MCTP2: variants seen among roughly 807,000 people sequenced by gnomAD.
The protein encoded by MCTP2 is multiple C2 and transmembrane domain containing 2.
MCTP2 carries 132 observed loss-of-function variants against 111.6 expected under a neutral mutation model. The observed-to-expected ratio is 1.18, with a 90% CI of 1.03 to 1.37. The LOEUF (loss-of-function observed/expected upper bound fraction) is 1.37. Ranked by LOEUF, MCTP2 falls within the 40% of genes most tolerant of loss-of-function variation. MCTP2 has a pLI of 0.00. For synonymous variants in MCTP2, 395 were observed against 387.7 expected (o/e 1.02, Z -0.22); for missense variants, 1,183 against 1,067.9 (o/e 1.11, Z -1.50).
chr15:94,266,273 CA>C (rs1340387141), intron 1 of MCTP2, among the ~76,000 whole-genome samples: 32 of 152,304 alleles, frequency 2.1e-4, no homozygotes, highest in Non-Finnish European at 8.8e-5. Flanking sequence ...CCTGGTGCTG[CA>C]TTATTCATTA....
chr15:94,300,394 C>A (rs1770140657), intron 2 of MCTP2, among the ~76,000 whole-genome samples: 1 of 151,190 alleles, frequency 6.6e-6, no homozygotes. Flanking sequence ...CCTGTAGTCC[C>A]AGCTACTTGG....
At chr15:94,433,820 T>A (rs2083316231) in intron 17 of MCTP2, among the ~76,000 whole-genome samples, 1 of 152,188 alleles carries the variant, frequency 6.6e-6, no homozygotes, top group African/African-American at 2.4e-5. Context: ...GATTTCACAG[T>A]GGTTTTAATT....
chr15:94,334,381 C>T (rs2077260494), intron 4 of MCTP2, among the ~76,000 whole-genome samples: 1 of 152,154 alleles, frequency 6.6e-6, no homozygotes, highest in South Asian at 2.1e-4. Context: ...AATCCATCTA[C>T]CAGGCATATT....
chr15:94,257,784 A>G (rs926823693), intron 1 of MCTP2, among the ~76,000 whole-genome samples: 2 of 150,822 alleles, frequency 1.3e-5, no homozygotes, highest in Non-Finnish European at 3.0e-5. Context: ...ACGGGGTTTT[A>G]CCATGTTGGC....
At chr15:94,470,196 G>C in intron 20 of MCTP2, 137 bp from the exon 21 acceptor site, 1 of 622,496 alleles carries the variant, frequency 1.6e-6, no homozygotes. Flanking sequence ...CTCTCATCTT[G>C]AGGTTTTTAA....
intron 1 of MCTP2, among the ~76,000 whole-genome samples, chr15:94,266,554 A>G (rs1029526560): frequency 6.6e-6 from 1 of 152,366 alleles, no homozygotes; most frequent in East Asian, 1.9e-4. Context: ...GAAAATAAAT[A>G]CACGCTGAAG....
At chr15:94,267,136 A>G (rs1309430560) in intron 1 of MCTP2, among the ~76,000 whole-genome samples, 1 of 152,192 alleles carries the variant, frequency 6.6e-6, no homozygotes, top group African/African-American at 2.4e-5. Context: ...AGTTTGAGAG[A>G]TACGTGCAGT....
rs755287019 is a variant in MCTP2 at position 94,267,869 on chromosome 15, C to CTT, written c.-65-30319_-65-30318dup. ...GGTCTGGATTACTTTCCTTTTCTTT[C>CTT]TTTTTTTTTTTTTTGAGACAGAGTC... On this transcript the variant is annotated intron_variant, in intron 1 of 22. Transcript: ENST00000357742. 4.4e-4 allele frequency among the ~76,000 whole-genome samples: 34 copies of CTT among 77,456 alleles called. 6 individuals carry two copies. The highest frequency in any genetic ancestry group is 1.7e-3 in the African/African-American group (29 of 17,436). The allele number at this position is 77,456 out of a possible 152,430, so 50.8% of individuals were successfully genotyped here. A position where few individuals can be genotyped will look rare whatever the true frequency, so the allele number is the denominator to read the frequency against.
At chr15:94,346,672 T>TGGCA (rs1464472306) in intron 8 of MCTP2, among the ~76,000 whole-genome samples, 1 of 152,198 alleles carries the variant, frequency 6.6e-6, no homozygotes, top group Admixed American at 6.5e-5. Context: ...GGAAGAGCAC[T>TGGCA]GGCAGTTTGT....
At chr15:94,298,846 T>TC (rs1397894729) in intron 2 of MCTP2, 116 bp downstream of exon 2, 41 of 163,526 alleles carry the variant, frequency 2.5e-4, no homozygotes, top group South Asian at 5.9e-4. Flanking sequence ...CCCTCTCTCT[T>TC]CCCCCCTCCC....
At chr15:94,435,923 G>T (rs943624801) in intron 17 of MCTP2, among the ~76,000 whole-genome samples, 8 of 152,026 alleles carry the variant, frequency 5.3e-5, no homozygotes, top group African/African-American at 1.4e-4. Context: ...GAGCCACCGC[G>T]CCCGGCCTAT....
intron 7 of MCTP2, chr15:94,342,215 A>G (rs2077681895): frequency 6.6e-6 from 1 of 152,186 alleles, no homozygotes; most frequent in South Asian, 2.1e-4. Context: ...TCTATAGCAT[A>G]TTAGATTATG....
In MCTP2 at chr15:94,437,315, G is replaced by A. The variant is rs17442709; in HGVS notation, c.2086-2861G>A. Among the ~76,000 whole-genome samples the A allele has an allele frequency of 6.1e-3, 930 of 151,882 alleles. 6 individuals carry two copies. Among genetic ancestry groups the A allele is most frequent in the African/African-American group, 0.021 (852 of 41,468 alleles). ...TTGCAGTCTCTTACAGCTAATAAGA[G>A]GTGAATGTGAATATATAAAAAAGAA... On this transcript the variant is annotated intron_variant, in intron 17 of 22. Coordinates refer to ENST00000357742, the MANE Select transcript of MCTP2 (RefSeq NM_001385001.1).
At chr15:94,265,594 G>A (rs753711043) in intron 1 of MCTP2, among the ~76,000 whole-genome samples, 11 of 152,090 alleles carry the variant, frequency 7.2e-5, no homozygotes, top group Non-Finnish European at 1.3e-4. Context: ...CACTGTTTGC[G>A]TTGAGATATT....
In MCTP2 at chr15:94,346,906, C is replaced by G. The variant is rs559515476; in HGVS notation, c.1005+1742C>G. ...TGTGTCTTAGAACTGAGCTGTTTGT[C>G]TTTTTTTTGCTTTTTTCCCATCATG... On this transcript the variant is annotated intron_variant, in intron 8 of 22. Coordinates refer to ENST00000357742, the MANE Select transcript of MCTP2 (RefSeq NM_001385001.1). Among the ~76,000 whole-genome samples the G allele has an allele frequency of 2.0e-5, 3 of 151,748 alleles. No individual in the cohort carries two copies. The South Asian group carries it at 6.3e-4, about 32-fold the overall frequency.
In MCTP2 at chr15:94,385,509, C is replaced by T. The variant is rs1166402468; in HGVS notation, c.1772C>T (p.Ala591Val). The T allele has an allele frequency of 6.2e-7, 1 of 1,611,792 alleles. No homozygotes were observed. Among genetic ancestry groups the T allele is most frequent in the Non-Finnish European group, 8.5e-7 (1 of 1,178,202 alleles). The part of the protein sequence containing the change: ...DKPPDFLGKV[A>V]IPLLSIRDGQ... ...CCCCCAGATTTTCTTGGAAAAGTTG[C>T]CATTCCCTTGCTGTCCGTAAGTTTC... Residue 591 changes from alanine (A) to valine (V), a missense_variant, in exon 14 of 23, where the codon GCC (alanine) becomes GTC (valine). Physicochemically the swap from Ala to Val is moderately conservative, Grantham distance 64 (BLOSUM62 0). Coordinates refer to ENST00000357742, the MANE Select transcript of MCTP2 (RefSeq NM_001385001.1).
At chr15:94,266,099 C>T (rs906327609) in intron 1 of MCTP2, among the ~76,000 whole-genome samples, 3 of 145,556 alleles carry the variant, frequency 2.1e-5, no homozygotes, top group Non-Finnish European at 4.6e-5. Context: ...CACACACGTG[C>T]TCTACAGTCT....
At chr15:94,475,892 T>G (rs999469282) in intron 21 of MCTP2, among the ~76,000 whole-genome samples, 9 of 142,080 alleles carry the variant, frequency 6.3e-5, no homozygotes, top group African/African-American at 2.2e-4. Flanking sequence ...GTCTATAGGA[T>G]GTTGACATCT....
At chr15:94,257,916 G>A (rs1468388526) in intron 1 of MCTP2, among the ~76,000 whole-genome samples, 3 of 151,534 alleles carry the variant, frequency 2.0e-5, no homozygotes, top group Non-Finnish European at 2.9e-5. Context: ...ATCATGCTCT[G>A]CCGCCCAGGC....
Sources: gnomAD v4.1 joint callset for allele counts (sites outside exome capture counted in the v4.1 genomes callset) on GRCh38, gnomAD v4.1.1 for gene constraint, MANE v1.5 for transcripts, NCBI Gene and HGNC (gene_info 2026-07-23, HGNC 2026-07-21) for gene names.